The following LINGO2 variants were observed in gnomAD, a reference collection of about 807,000 sequenced individuals.
LINGO2 encodes leucine rich repeat and Ig domain containing 2.
In LINGO2, 14 loss-of-function variants were observed where a neutral mutation model predicts 30.6. The observed-to-expected ratio is 0.46, with a 90% CI of 0.30 to 0.72. The LOEUF (loss-of-function observed/expected upper bound fraction) is 0.72, where lower values mean the gene tolerates loss of function less well. Ranked by LOEUF, LINGO2 falls within the 30% of genes least tolerant of loss-of-function variation. LINGO2 has a pLI of 0.07. For missense variants in LINGO2, 729 were observed against 751.7 expected, an observed-to-expected ratio of 0.97 and a Z score of 0.35; for synonymous variants, 317 against 288.5, an observed-to-expected ratio of 1.10 and a Z score of -1.00.
intron 2 of LINGO2, among the ~76,000 whole-genome samples, chr9:28,466,193 G>A (rs904021922): frequency 6.6e-6 from 1 of 152,154 alleles, no homozygotes; most frequent in Non-Finnish European, 1.5e-5. Flanking sequence ...GTTCACAATA[G>A]TCAAGATTTG....
chr9:28,432,337 T>C (rs2134958249), intron 2 of LINGO2, among the ~76,000 whole-genome samples: 1 of 152,046 alleles, frequency 6.6e-6, no homozygotes, highest in African/African-American at 2.4e-5. Context: ...TGAGCTGAAG[T>C]TGTACCTGAA....
At chr9:28,118,391 G>T (rs1304220261) in intron 4 of LINGO2, among the ~76,000 whole-genome samples, 5 of 152,162 alleles carry the variant, frequency 3.3e-5, no homozygotes, top group African/African-American at 1.2e-4. Flanking sequence ...GTTGTCTCCA[G>T]ATTTTCAAAA....
intron 1 of LINGO2, among the ~76,000 whole-genome samples, chr9:28,557,529 A>C (rs1431658689): frequency 6.6e-6 from 1 of 151,980 alleles, no homozygotes; most frequent in Non-Finnish European, 1.5e-5. Flanking sequence ...AGAAATAGGA[A>C]CACTTTTACA....
At chr9:28,381,421 C>G (rs16912803) in intron 2 of LINGO2, among the ~76,000 whole-genome samples, 1,973 of 152,012 alleles carry the variant, frequency 0.013, 40 homozygotes, top group African/African-American at 0.043. Flanking sequence ...GCTACACATG[C>G]AGGTAAAAGA....
the LINGO2 span, among the ~76,000 whole-genome samples, chr9:28,680,136 T>A: frequency 6.6e-6 from 1 of 152,018 alleles, no homozygotes; most frequent in South Asian, 2.1e-4. Context: ...TCCTCAACCC[T>A]GCCCTGCACC....
At chr9:29,085,262 C>T in the LINGO2 span, among the ~76,000 whole-genome samples, 7 of 41,498 alleles carry the variant, frequency 1.7e-4, no homozygotes, top group African/African-American at 5.5e-4. Context: ...CAGGAATCAA[C>T]AAAATAGCCT....
At chr9:28,174,896 C>CTGTG (rs1293174370) in intron 4 of LINGO2, among the ~76,000 whole-genome samples, 1 of 48,240 alleles carries the variant, frequency 2.1e-5, no homozygotes, top group South Asian at 1.0e-3. Flanking sequence ...GAATTTGTGT[C>CTGTG]TCTGTGTGTG....
chr9:28,370,957 G>T (rs901603495), intron 3 of LINGO2, among the ~76,000 whole-genome samples: 1 of 152,168 alleles, frequency 6.6e-6, no homozygotes. Context: ...TATAAGAAGG[G>T]CATGAGTATA....
At chr9:28,290,926 C>T (rs554389231) in intron 4 of LINGO2, among the ~76,000 whole-genome samples, 2 of 152,198 alleles carry the variant, frequency 1.3e-5, no homozygotes, top group Admixed American at 6.5e-5. Context: ...CTCTCCCACC[C>T]CAACCCCAGC....
chr9:28,194,222 T>C (rs1165726044), intron 4 of LINGO2, among the ~76,000 whole-genome samples: 2 of 151,948 alleles, frequency 1.3e-5, no homozygotes, highest in Non-Finnish European at 2.9e-5. Context: ...AAGAAATACA[T>C]AACAAAACAA....
intron 5 of LINGO2, among the ~76,000 whole-genome samples, chr9:27,951,289 T>C (rs1260946061): frequency 6.6e-6 from 1 of 152,238 alleles, no homozygotes; most frequent in African/African-American, 2.4e-5. Flanking sequence ...TGAATTTTAA[T>C]GTACGCATCT....
chr9:28,501,686 A>AAC (rs139515615), intron 1 of LINGO2, among the ~76,000 whole-genome samples: 5 of 152,004 alleles, frequency 3.3e-5, no homozygotes. Context: ...ATACCTAAGA[A>AAC]ACACACACAC....
intron 5 of LINGO2, among the ~76,000 whole-genome samples, chr9:28,007,134 G>A (rs1417522091): frequency 2.0e-5 from 3 of 152,090 alleles, no homozygotes; most frequent in Admixed American, 1.3e-4. Context: ...TAGAATAGCA[G>A]ACTTGTACAG....
the LINGO2 span, among the ~76,000 whole-genome samples, chr9:28,963,131 T>A: frequency 6.6e-6 from 1 of 151,942 alleles, no homozygotes; most frequent in Admixed American, 6.6e-5. Flanking sequence ...TAAGAGAAAT[T>A]TGCATTACAT....
intron 1 of LINGO2, among the ~76,000 whole-genome samples, chr9:28,518,068 A>T (rs1820694819): frequency 1.3e-5 from 2 of 152,142 alleles, no homozygotes; most frequent in Non-Finnish European, 2.9e-5. Flanking sequence ...AGGGTCCCAA[A>T]ATGTGATGTA....
intron 4 of LINGO2, among the ~76,000 whole-genome samples, chr9:28,263,326 G>A (rs991536764): frequency 4.6e-5 from 7 of 151,840 alleles, no homozygotes; most frequent in African/African-American, 1.7e-4. Context: ...ACTGATTAAA[G>A]ACCCTAATTA....
intron 4 of LINGO2, among the ~76,000 whole-genome samples, chr9:28,272,034 T>C (rs1442207034): frequency 2.0e-5 from 3 of 152,174 alleles, no homozygotes; most frequent in Non-Finnish European, 4.4e-5. Flanking sequence ...CTTAAAACAA[T>C]TCCAGTCAAC....
At chr9:28,781,974 T>C in the LINGO2 span, among the ~76,000 whole-genome samples, 1 of 152,198 alleles carries the variant, frequency 6.6e-6, no homozygotes, top group Non-Finnish European at 1.5e-5. Context: ...TCAGAGGGAA[T>C]TTGATATTTT....
intron 2 of LINGO2, among the ~76,000 whole-genome samples, chr9:28,392,509 C>T (rs890457539): frequency 4.6e-5 from 7 of 152,098 alleles, no homozygotes; most frequent in African/African-American, 7.2e-5. Flanking sequence ...ATGGAAGAGA[C>T]GCATAAGGCA....
Sources: allele counts gnomAD v4.1 joint callset (sites outside exome capture counted in the v4.1 genomes callset), GRCh38; gene constraint gnomAD v4.1.1; transcripts MANE v1.5; gene names NCBI Gene and HGNC (gene_info 2026-07-23, HGNC 2026-07-21).